The following GRIN2A variants were observed in gnomAD, a reference collection of about 807,000 sequenced individuals.
GRIN2A encodes the protein glutamate ionotropic receptor NMDA type subunit 2A, also known as glutamate receptor ionotropic, NMDA 2A.
Under a neutral mutation model 113.4 loss-of-function variants are expected in GRIN2A, and 22 were observed. The observed-to-expected ratio is 0.19, with a 90% CI of 0.14 to 0.28. The LOEUF is 0.28. GRIN2A is among the 10% of genes least tolerant of loss of function. The pLI is 1.00. For synonymous variants in GRIN2A, 827 were observed against 738.4 expected (o/e 1.12, Z -1.94); for missense variants, 1,502 against 1,887.0 (o/e 0.80, Z 3.78).
chr16:9,823,384 T>G (rs2042324967), intron 9 of GRIN2A, among the ~76,000 whole-genome samples: 1 of 152,216 alleles, frequency 6.6e-6, no homozygotes, highest in Admixed American at 6.5e-5. Context: ...CTCCATTTAT[T>G]TTCCATCTGT....
intron 2 of GRIN2A, among the ~76,000 whole-genome samples, chr16:10,101,518 T>C (rs970815079): frequency 2.6e-5 from 4 of 152,166 alleles, no homozygotes; most frequent in Non-Finnish European, 5.9e-5. Context: ...CAGCAGATGT[T>C]GGGGCTTCGA....
intron 2 of GRIN2A, among the ~76,000 whole-genome samples, chr16:9,957,904 G>A (rs1596361873): frequency 6.6e-6 from 1 of 152,300 alleles, no homozygotes; most frequent in South Asian, 2.1e-4. Context: ...GCCCCCATGA[G>A]CAACACTTGG....
At position 9,769,451 on chromosome 16, in the gene GRIN2A, CTT is replaced by C. The variant is rs34847596; in HGVS notation, c.2357-364_2357-363del. Among the ~76,000 whole-genome samples, 236 of 104,846 alleles carry C rather than the reference CTT, an allele frequency of 2.3e-3. 1 individual carries two copies. Among genetic ancestry groups the C allele is most frequent in the Middle Eastern group, 0.016 (3 of 192 alleles). The allele number at this position is 104,846 out of a possible 152,430, so 68.8% of individuals were successfully genotyped here. ...CTGGTTTTGTTTTTTGGAGTTTTGT[CTT>C]TTTTTTTTTTTTTTTTTTGGTCATT... On this transcript the variant is annotated intron_variant, in intron 11 of 12. Coordinates refer to ENST00000330684, the MANE Select transcript of GRIN2A (RefSeq NM_001134407.3).
chr16:9,917,499 G>A (rs2044275061), intron 3 of GRIN2A, among the ~76,000 whole-genome samples: 1 of 152,206 alleles, frequency 6.6e-6, no homozygotes, highest in Admixed American at 6.5e-5. Flanking sequence ...CTCAAAGGAG[G>A]ATAATATCGC....
chr16:10,115,743 T>C (rs1444680654), intron 2 of GRIN2A, among the ~76,000 whole-genome samples: 1 of 152,220 alleles, frequency 6.6e-6, no homozygotes, highest in Admixed American at 6.5e-5. Context: ...GGGGACACTG[T>C]TTCTCAGAAG....
chr16:9,999,096 C>A (rs938995159), intron 2 of GRIN2A, among the ~76,000 whole-genome samples: 2 of 152,154 alleles, frequency 1.3e-5, no homozygotes. Context: ...CCAAACAGCA[C>A]AGAAACTTAC....
chr16:9,996,475 A>C (rs2046225849), intron 2 of GRIN2A, among the ~76,000 whole-genome samples: 3 of 152,210 alleles, frequency 2.0e-5, no homozygotes. Flanking sequence ...CCATCACTGT[A>C]ATCGTTAAGG....
intron 10 of GRIN2A, among the ~76,000 whole-genome samples, chr16:9,812,381 G>C (rs563815941): frequency 2.6e-5 from 4 of 152,358 alleles, no homozygotes; most frequent in African/African-American, 9.6e-5. Flanking sequence ...ACTCACGCCT[G>C]TAATCCCAGC....
At chr16:10,053,673 C>T (rs1393245053) in intron 2 of GRIN2A, among the ~76,000 whole-genome samples, 1 of 152,168 alleles carries the variant, frequency 6.6e-6, no homozygotes, top group Non-Finnish European at 1.5e-5. Flanking sequence ...TACATCCTGC[C>T]ACCTGCTGTT....
intron 2 of GRIN2A, chr16:10,031,184 T>C (rs2046922154): frequency 6.6e-6 from 1 of 152,152 alleles, no homozygotes; most frequent in African/African-American, 2.4e-5. Context: ...AATGTGGCCT[T>C]TACAATCTGC....
chr16:10,023,159 G>A (rs185504805), intron 2 of GRIN2A, among the ~76,000 whole-genome samples: 4 of 152,294 alleles, frequency 2.6e-5, no homozygotes, highest in African/African-American at 9.6e-5. Context: ...GTCCACTCAG[G>A]CTGATCTTAG....
chr16:10,126,650 C>T lies in GRIN2A; in HGVS notation c.414+53348G>A, dbSNP rs561378617. Among the ~76,000 whole-genome samples, 4 of 152,062 alleles carry T rather than the reference C, an allele frequency of 2.6e-5. No homozygotes were observed. In the East Asian group the frequency reaches 7.7e-4, roughly 29 times the overall value. On this transcript the variant is annotated intron_variant, in intron 2 of 12. Coordinates refer to ENST00000330684, the MANE Select transcript of GRIN2A (RefSeq NM_001134407.3). Reference sequence around the variant, plus strand: ...ATCTTTGTGCGTTAAAGATAGTAACCCTTTGGCACGTATCACCAACGTTTT... The same window carrying T: ...ATCTTTGTGCGTTAAAGATAGTAACTCTTTGGCACGTATCACCAACGTTTT...
intron 11 of GRIN2A, among the ~76,000 whole-genome samples, chr16:9,771,847 A>G (rs1901293445): frequency 1.3e-5 from 2 of 152,300 alleles, no homozygotes; most frequent in Admixed American, 6.5e-5. Flanking sequence ...AGTAGCATAC[A>G]TTTGAACTCA....
chr16:9,903,593 T>A (rs1025303433), intron 3 of GRIN2A, among the ~76,000 whole-genome samples: 6 of 152,200 alleles, frequency 3.9e-5, no homozygotes, highest in African/African-American at 1.4e-4. Flanking sequence ...GCAGCTGTAA[T>A]TCCTGTTCAT....
intron 2 of GRIN2A, among the ~76,000 whole-genome samples, chr16:10,109,733 A>C (rs189098316): frequency 4.7e-4 from 71 of 152,238 alleles, no homozygotes; most frequent in African/African-American, 1.5e-3. Context: ...AATAACAAAA[A>C]ATATATAATT....
intron 11 of GRIN2A, among the ~76,000 whole-genome samples, chr16:9,780,294 A>T (rs1318091856): frequency 6.6e-6 from 1 of 152,248 alleles, no homozygotes; most frequent in Non-Finnish European, 1.5e-5. Context: ...TTTGTGCACA[A>T]GAAAGGTACA....
intron 2 of GRIN2A, among the ~76,000 whole-genome samples, chr16:9,968,555 C>G (rs1433152656): frequency 6.6e-6 from 1 of 152,084 alleles, no homozygotes; most frequent in African/African-American, 2.4e-5. Flanking sequence ...TCAGGTGATC[C>G]ACCCACCTCG....
chr16:9,763,645 C>G lies in GRIN2A; in HGVS notation c.3899G>C (p.Arg1300Thr), dbSNP rs1317908832. 6.2e-7 allele frequency: 1 copy of G among 1,613,316 alleles called. No homozygotes were observed. Among genetic ancestry groups the G allele is most frequent in the East Asian group, 2.2e-5 (1 of 44,882 alleles). Reference sequence around the variant, plus strand: ...GGAGGGCCTGCTAAGGTCTAGCTCCCTAGGTTTGTCGACAATGTTATCGTA... The same window carrying G: ...GGAGGGCCTGCTAAGGTCTAGCTCCGTAGGTTTGTCGACAATGTTATCGTA... ...HSYDNIVDKPRELDLSRPSRS... is the reference protein window; with the variant it reads ...HSYDNIVDKPTELDLSRPSRS... Residue 1300 changes from arginine (R) to threonine (T), a missense_variant, in exon 13 of 13, where the codon AGG (arginine) becomes ACG (threonine). Arg to Thr is a moderately conservative substitution (Grantham distance 71). Coordinates refer to ENST00000330684, the MANE Select transcript of GRIN2A (RefSeq NM_001134407.3).
rs145294366 is a variant in GRIN2A, at chr16:9,827,935, A to G, written c.2007+1488T>C. Among the ~76,000 whole-genome samples, 8 of 152,204 alleles carry G rather than the reference A, an allele frequency of 5.3e-5. No individual in the cohort carries two copies. In the East Asian group the frequency reaches 1.5e-3, roughly 29 times the overall value. On this transcript the variant is annotated intron_variant, in intron 9 of 12. Coordinates refer to ENST00000330684, the MANE Select transcript of GRIN2A (RefSeq NM_001134407.3). ...TTTATAATACTTATTCCTGCCCCAA[A>G]TTTCCAAATTTGTTTCTTCCTTGAT... is the stretch of plus-strand genomic sequence containing the variant.
Sources: allele counts gnomAD v4.1 joint callset (sites outside exome capture counted in the v4.1 genomes callset), GRCh38; gene constraint gnomAD v4.1.1; transcripts MANE v1.5; gene names NCBI Gene and HGNC (gene_info 2026-07-23, HGNC 2026-07-21).